The following TMEM243 variants were observed in gnomAD, a reference collection of about 807,000 sequenced individuals.
TMEM243 encodes transmembrane protein 243, also known as MDR1 and mitochondrial taxol resistance associated.
In TMEM243, 20 loss-of-function variants were observed where a neutral mutation model predicts 15.0. That is an observed-to-expected ratio of 1.33 (90% CI 0.94 to 1.93). The LOEUF (loss-of-function observed/expected upper bound fraction) is 1.93, where lower values mean the gene tolerates loss of function less well. Ranked by LOEUF, TMEM243 falls within the 30% of genes most tolerant of loss-of-function variation. The pLI is 0.00. For synonymous variants in TMEM243, 72 were observed against 52.7 expected (o/e 1.37, Z -1.59); for missense variants, 156 against 142.1 (o/e 1.10, Z -0.50).
chr7:87,205,049 C>G (rs932641893), intron 1 of TMEM243, among the ~76,000 whole-genome samples: 6 of 152,226 alleles, frequency 3.9e-5, no homozygotes, highest in Non-Finnish European at 7.3e-5. Flanking sequence ...ATAGAAGTTG[C>G]CATGTGCAGC....
At chr7:87,212,965 C>G (rs570688868) in intron 1 of TMEM243, among the ~76,000 whole-genome samples, 1 of 152,078 alleles carries the variant, frequency 6.6e-6, no homozygotes, top group Non-Finnish European at 1.5e-5. Context: ...GCCAGGCTCA[C>G]AGAAGGAAAG....
rs565592616 is a variant in TMEM243 at position 87,203,856 on chromosome 7, T to TA, written c.79-4800dup. On this transcript the variant is annotated intron_variant, in intron 1 of 3. Transcript: ENST00000257637. ...CACAATCATTTCTTATATTGGTCCA[T>TA]AAAAAAATCCCAAAGGCATAATGTC... Among the ~76,000 whole-genome samples, 389 of 152,154 alleles carry TA rather than the reference T, an allele frequency of 2.6e-3. 1 individual carries two copies. The highest frequency in any genetic ancestry group is 8.9e-3 in the African/African-American group (371 of 41,510).
At chr7:87,209,362 AGAG>A (rs763209590) in intron 1 of TMEM243, among the ~76,000 whole-genome samples, 60 of 151,946 alleles carry the variant, frequency 3.9e-4, no homozygotes, top group Middle Eastern at 3.4e-3. Context: ...GGGGGGAAGA[AGAG>A]GGGAAGAGAG....
In TMEM243 at chr7:87,199,061, AAAGAG is replaced by A. The variant is rs1801595103; in HGVS notation, c.79-9_79-5del. On this transcript the variant is annotated splice_region_variant and splice_polypyrimidine_tract_variant and intron_variant, in intron 1 of 3. Transcript: ENST00000257637. ...CAACTAAATTGATGATTCGATCCTGAAAGAGAAAAGAATTTTTAAGCCATATGACT... is the reference window on the plus strand; with the variant it reads ...CAACTAAATTGATGATTCGATCCTGAAAAAGAATTTTTAAGCCATATGACT... 6.2e-7 allele frequency: 1 copy of A among 1,604,286 alleles called. No individual in the cohort carries two copies. The highest frequency in any genetic ancestry group is 8.5e-7 in the Non-Finnish European group (1 of 1,176,608).
At chr7:87,205,183 C>A (rs1802114377) in intron 1 of TMEM243, among the ~76,000 whole-genome samples, 1 of 152,222 alleles carries the variant, frequency 6.6e-6, no homozygotes, top group South Asian at 2.1e-4. Context: ...GCCCACAAAA[C>A]CATTTTATCC....
At chr7:87,199,852 G>GA (rs1348604904) in intron 1 of TMEM243, among the ~76,000 whole-genome samples, 2 of 152,182 alleles carry the variant, frequency 1.3e-5, no homozygotes, top group Non-Finnish European at 2.9e-5. Flanking sequence ...TCACTGGTTA[G>GA]AAGTAGTTTC....
At chr7:87,203,485 T>C (rs1182010132) in intron 1 of TMEM243, among the ~76,000 whole-genome samples, 1 of 151,892 alleles carries the variant, frequency 6.6e-6, no homozygotes, top group East Asian at 1.9e-4. Flanking sequence ...TTTGATGACA[T>C]GTGCCTGTAG....
intron 1 of TMEM243, among the ~76,000 whole-genome samples, chr7:87,205,182 A>G (rs548557978): frequency 6.6e-6 from 1 of 152,056 alleles, no homozygotes; most frequent in Non-Finnish European, 1.5e-5. Flanking sequence ...AGCCCACAAA[A>G]CCATTTTATC....
chr7:87,196,875 T>C, intron 3 of TMEM243, 117 bp from the exon 4 acceptor site: 1 of 692,150 alleles, frequency 1.4e-6, no homozygotes, highest in Non-Finnish European at 2.3e-6. Flanking sequence ...TTCTCCATAT[T>C]CTGAGGTCTC....
chr7:87,200,590 C>CA (rs1305689072), intron 1 of TMEM243, among the ~76,000 whole-genome samples: 1 of 152,116 alleles, frequency 6.6e-6, no homozygotes, highest in Non-Finnish European at 1.5e-5. Flanking sequence ...TGACACACAG[C>CA]AAGTTGCCTA....
At chr7:87,199,221 AAG>A (rs1013946482) in intron 1 of TMEM243, 164 bp from the exon 2 acceptor site, 1 of 519,378 alleles carries the variant, frequency 1.9e-6, no homozygotes, top group African/African-American at 2.0e-5. Context: ...ACTGAACCAT[AAG>A]AGTGGAAAAT....
At chr7:87,212,881 T>C (rs1164045839) in intron 1 of TMEM243, among the ~76,000 whole-genome samples, 2 of 152,146 alleles carry the variant, frequency 1.3e-5, no homozygotes, top group African/African-American at 4.8e-5. Flanking sequence ...AAGAGCTTAT[T>C]CTATAGTTAG....
chr7:87,217,707 T>C (rs1432906324), intron 1 of TMEM243, among the ~76,000 whole-genome samples: 1 of 152,250 alleles, frequency 6.6e-6, no homozygotes, highest in East Asian at 1.9e-4. Flanking sequence ...GAAGCTATTA[T>C]TACAATGCCC....
chr7:87,219,585 C>T lies in TMEM243; in HGVS notation c.-82G>A, dbSNP rs1164429109. The T allele has an allele frequency of 3.9e-6, 5 of 1,278,224 alleles. No individual in the cohort carries two copies. The highest frequency in any genetic ancestry group is 2.4e-5 in the East Asian group (1 of 41,478). The allele number at this position is 1,278,224 out of a possible 1,614,324, so 79.2% of individuals were successfully genotyped here. ...GAGGTCTCAGGTCCACGACTGCAAG[C>T]CTCCTCCTCACGGCTCCCGCATAGC... On this transcript the variant is annotated 5_prime_UTR_variant, in exon 1 of 4. Coordinates refer to ENST00000257637, the MANE Select transcript of TMEM243 (RefSeq NM_024315.4).
intron 1 of TMEM243, among the ~76,000 whole-genome samples, chr7:87,206,796 T>C (rs1802254842): frequency 6.6e-6 from 1 of 152,228 alleles, no homozygotes; most frequent in African/African-American, 2.4e-5. Context: ...TTTTCCTTCT[T>C]GACAGTGTGG....
intron 3 of TMEM243, chr7:87,197,713 T>A (rs1801427546): frequency 1.6e-6 from 1 of 625,700 alleles, no homozygotes; most frequent in African/African-American, 3.2e-5. Flanking sequence ...TTTTTTTTTT[T>A]TTTAAGCTAT....
At chr7:87,219,043 C>G (rs558957899) in intron 1 of TMEM243, among the ~76,000 whole-genome samples, 1 of 152,044 alleles carries the variant, frequency 6.6e-6, no homozygotes, top group Non-Finnish European at 1.5e-5. Context: ...ATCAGAAGCA[C>G]CCCTTCTCGG....
At chr7:87,201,407 T>C (rs1188352606) in intron 1 of TMEM243, among the ~76,000 whole-genome samples, 1 of 152,220 alleles carries the variant, frequency 6.6e-6, no homozygotes, top group African/African-American at 2.4e-5. Flanking sequence ...CAGGATCTGG[T>C]AATTTATGTG....
chr7:87,210,289 T>G (rs1802651076), intron 1 of TMEM243, among the ~76,000 whole-genome samples: 1 of 152,084 alleles, frequency 6.6e-6, no homozygotes, highest in Non-Finnish European at 1.5e-5. Flanking sequence ...ACCATGTCAT[T>G]CAGCCCCTGG....
Sources: gnomAD v4.1 joint callset for allele counts (sites outside exome capture counted in the v4.1 genomes callset) on GRCh38, gnomAD v4.1.1 for gene constraint, MANE v1.5 for transcripts, NCBI Gene and HGNC (gene_info 2026-07-23, HGNC 2026-07-21) for gene names.